TMTC4: variants seen among roughly 807,000 people sequenced by gnomAD.
The protein encoded by TMTC4 is protein O-mannosyl-transferase TMTC4.
A neutral mutation model predicts 86.0 loss-of-function variants in TMTC4; 65 were observed. The observed-to-expected ratio is 0.76, with a 90% CI of 0.62 to 0.93. The LOEUF (loss-of-function observed/expected upper bound fraction) is 0.93. Among genes scored for constraint, TMTC4 ranks in the 40% least tolerant of loss-of-function variants. The probability of loss-of-function intolerance (pLI) is 0.00; values close to 1 mark genes in which losing one functional copy is unlikely to be tolerated. For missense variants in TMTC4, 866 were observed against 948.1 expected (o/e 0.91, Z 1.14); for synonymous variants, 379 against 382.5 (o/e 0.99, Z 0.11).
At chr13:100,645,180 G>A (rs1211206204) in intron 6 of TMTC4, among the ~76,000 whole-genome samples, 2 of 152,082 alleles carry the variant, frequency 1.3e-5, no homozygotes, top group African/African-American at 2.4e-5. Context: ...TCTTCTGACC[G>A]TGGCTTTAAA....
At chr13:100,617,533 C>T (rs1878701821) in intron 15 of TMTC4, among the ~76,000 whole-genome samples, 1 of 152,146 alleles carries the variant, frequency 6.6e-6, no homozygotes, top group Non-Finnish European at 1.5e-5. Flanking sequence ...TCCAGTTTCA[C>T]TCTTTTGCGT....
At chr13:100,608,804 A>AC (rs1555337757) in intron 17 of TMTC4, among the ~76,000 whole-genome samples, 1 of 151,966 alleles carries the variant, frequency 6.6e-6, no homozygotes, top group Non-Finnish European at 1.5e-5. Flanking sequence ...AGTTGGGGAT[A>AC]TTTTTTTTCT....
Position 100,625,544 on chromosome 13 carries a change from G to T in TMTC4, c.1827C>A (p.Leu609=). The T allele has an allele frequency of 6.2e-7, 1 of 1,613,996 alleles. No homozygotes were observed. Among genetic ancestry groups the T allele is most frequent in the Non-Finnish European group, 8.5e-7 (1 of 1,180,032 alleles). The change falls in exon 15 of 19, where the codon CTC becomes CTA. Residue 609 remains leucine, a synonymous_variant. Transcript: ENST00000342624. ...RRKYPDCYYN[L]GRLYADLNRH... ...GGCACCCCGCGCTTACCAGACGCCC[G>T]AGGTTGTAGTAACAGTCTGGGTATT...
intron 6 of TMTC4, among the ~76,000 whole-genome samples, chr13:100,653,678 G>C (rs1308098883): frequency 6.6e-6 from 1 of 152,200 alleles, no homozygotes; most frequent in Non-Finnish European, 1.5e-5. Flanking sequence ...ATCTGGAAGC[G>C]ATGAGTGGGA....
intron 12 of TMTC4, among the ~76,000 whole-genome samples, chr13:100,633,192 C>G (rs1881683740): frequency 1.3e-5 from 2 of 151,758 alleles, no homozygotes; most frequent in South Asian, 4.2e-4. Context: ...CATGCCTGTC[C>G]TAGCTACTCG....
chr13:100,612,369 C>T (rs72661053), intron 17 of TMTC4, 29 bp downstream of exon 17: 45,149 of 1,535,084 alleles, frequency 0.029, 809 homozygotes, highest in Non-Finnish European at 0.035. Context: ...GCACTAACTG[C>T]AAGAACTCAC....
chr13:100,605,136 A>G lies in TMTC4; in HGVS notation c.2141T>C (p.Leu714Pro). The change falls in exon 19 of 19, where the codon CTT becomes CCT. Residue 714 changes from leucine (L) to proline (P), a missense_variant. Transcript: ENST00000342624. This position sits in a 1 kb window ranked among gnomAD's most constrained non-coding sequence, Gnocchi z 4.3. The stretch of plus-strand genomic sequence containing the variant: ...GTCTAGATGTCCCCAACGATGATAA[A>G]GCACAGCTGAAATAGCAGGAGATAA... ...AASYHGNLAV[L>P]YHRWGHLDLA... 6.2e-7 allele frequency: 1 copy of G among 1,609,834 alleles called. No homozygotes were observed. The highest frequency in any genetic ancestry group is 8.5e-7 in the Non-Finnish European group (1 of 1,178,782).
At chr13:100,626,637 T>C (rs1880592856) in intron 12 of TMTC4, among the ~76,000 whole-genome samples, 1 of 151,926 alleles carries the variant, frequency 6.6e-6, no homozygotes, top group Admixed American at 6.6e-5. Context: ...GTTTTTATCA[T>C]CAAAACCTCA....
In TMTC4 at chr13:100,607,972, G is replaced by C. The variant is rs115191243; in HGVS notation, c.2065-1545C>G. 6.8e-3 allele frequency among the ~76,000 whole-genome samples: 1,033 copies of C among 151,988 alleles called. 11 individuals carry two copies. The highest frequency in any genetic ancestry group is 0.023 in the African/African-American group (968 of 41,440). On this transcript the variant is annotated intron_variant, in intron 17 of 18. Transcript: ENST00000342624. ...AAAGTCAAATGGGTTGTGTAGTTTCGCAGTGGTTTCTGAGTCTCTGGGCTG... is the reference window on the plus strand; with the variant it reads ...AAAGTCAAATGGGTTGTGTAGTTTCCCAGTGGTTTCTGAGTCTCTGGGCTG...
At chr13:100,662,271 T>C (rs1386772159) in intron 5 of TMTC4, among the ~76,000 whole-genome samples, 1 of 141,474 alleles carries the variant, frequency 7.1e-6, no homozygotes, top group Admixed American at 6.9e-5. Context: ...GTGGAGAGAC[T>C]TCACCAGCAG....
chr13:100,636,777 T>C, intron 9 of TMTC4, 43 bp from the exon 10 acceptor site: 2 of 1,604,196 alleles, frequency 1.2e-6, no homozygotes, highest in Middle Eastern at 1.7e-4. Flanking sequence ...GATACTGAAC[T>C]TAAAAAACAC....
chr13:100,613,237 G>A (rs910435151), intron 16 of TMTC4, among the ~76,000 whole-genome samples: 2 of 151,888 alleles, frequency 1.3e-5, no homozygotes, highest in Non-Finnish European at 2.9e-5. Flanking sequence ...CTTTATCCCC[G>A]CCCCCTTCCC....
chr13:100,621,915 G>A (rs1879556968), intron 15 of TMTC4, among the ~76,000 whole-genome samples: 1 of 152,082 alleles, frequency 6.6e-6, no homozygotes, highest in Admixed American at 6.5e-5. Flanking sequence ...AACTTTGTGA[G>A]GATCGCCCCT....
chr13:100,606,803 G>A (rs755365546), intron 17 of TMTC4, among the ~76,000 whole-genome samples: 11 of 152,180 alleles, frequency 7.2e-5, no homozygotes, highest in Non-Finnish European at 1.0e-4. Context: ...CATTTCCAGA[G>A]CTCTTGGGGT....
chr13:100,637,696 C>A lies in TMTC4; in HGVS notation c.841G>T (p.Gly281Cys), dbSNP rs55788516. 54 of 1,613,520 alleles carry A rather than the reference C, an allele frequency of 3.3e-5. No individual in the cohort carries two copies. In the African/African-American group the frequency reaches 6.0e-4, roughly 18 times the overall value. ...AGGAGGCCCCCGTTCCTGAGCATGC[C>A]GAGATTCTGCAAGGACATCGCAAAG... ...LHKDKSLENL[G>C]MLRNGGLLFR... is the part of the protein sequence containing the mutation. The change falls in exon 9 of 19, where the codon GGC becomes TGC. Residue 281 changes from glycine (G) to cysteine (C), a missense_variant. Gly to Cys is a radical substitution (Grantham distance 159). Transcript: ENST00000342624.
intron 4 of TMTC4, 112 bp from the exon 5 acceptor site, chr13:100,663,292 A>G: frequency 1.1e-6 from 1 of 903,520 alleles, no homozygotes; most frequent in Non-Finnish European, 1.8e-6. Flanking sequence ...GAAGCGGAAG[A>G]CTTTGTGCCA....
chr13:100,646,907 AAGTATTGGCAG>A (rs1437293475), intron 6 of TMTC4, among the ~76,000 whole-genome samples: 2 of 152,254 alleles, frequency 1.3e-5, no homozygotes, highest in Non-Finnish European at 2.9e-5. Flanking sequence ...ATCAGCAGAT[AAGTATTGGCAG>A]GCACTAAAGC....
Position 100,643,332 on chromosome 13 carries a change from G to A in TMTC4, c.641-1021C>T, listed in dbSNP as rs151294451. Among the ~76,000 whole-genome samples the A allele has an allele frequency of 4.1e-3, 632 of 152,336 alleles. 1 individual carries two copies. Among genetic ancestry groups the A allele is most frequent in the Middle Eastern group, 0.024 (7 of 294 alleles). On this transcript the variant is annotated intron_variant, in intron 6 of 18. Coordinates refer to ENST00000342624, the MANE Select transcript of TMTC4 (RefSeq NM_032813.5). ...TGGAACTCCCGGTCTGAATGCCTAT[G>A]GCTCTATGTAAGCATCTGAATGCCA...
At chr13:100,631,989 T>G (rs987234063) in intron 12 of TMTC4, among the ~76,000 whole-genome samples, 1 of 147,160 alleles carries the variant, frequency 6.8e-6, no homozygotes, top group Non-Finnish European at 1.5e-5. Flanking sequence ...TGAGGTCTTA[T>G]ATGTATTCCT....
Sources: allele counts gnomAD v4.1 joint callset (sites outside exome capture counted in the v4.1 genomes callset), GRCh38; gene constraint gnomAD v4.1.1; non-coding constraint Gnocchi (gnomAD v3.1); transcripts MANE v1.5; gene names NCBI Gene and HGNC (gene_info 2026-07-23, HGNC 2026-07-21).